The following LRRC4C variants were observed in gnomAD, a reference collection of about 807,000 sequenced individuals.
LRRC4C encodes leucine rich repeat containing 4C, also known as leucine-rich repeat-containing protein 4C.
A neutral mutation model predicts 33.6 loss-of-function variants in LRRC4C; 5 were observed. The observed-to-expected ratio is 0.15, with a 90% CI of 0.08 to 0.31. The LOEUF is 0.31. Among genes scored for constraint, LRRC4C ranks in the 10% least tolerant of loss-of-function variants. The pLI is 1.00. For synonymous variants in LRRC4C, 329 were observed against 302.0 expected (o/e 1.09, Z -0.93); for missense variants, 560 against 796.7 (o/e 0.70, Z 3.58).
chr11:40,479,414 G>A (rs1412927507), intron 3 of LRRC4C, among the ~76,000 whole-genome samples: 1 of 152,160 alleles, frequency 6.6e-6, no homozygotes, highest in East Asian at 1.9e-4. Context: ...TTATGTTACA[G>A]AGAGGAGAAG....
chr11:40,848,056 T>C (rs1438200720), intron 2 of LRRC4C, among the ~76,000 whole-genome samples: 2 of 140,142 alleles, frequency 1.4e-5, no homozygotes, highest in Admixed American at 1.5e-4. Context: ...TTCTTCGTTA[T>C]TATTCTGGCT....
chr11:40,934,905 T>C, intron 1 of LRRC4C, among the ~76,000 whole-genome samples: 1 of 152,160 alleles, frequency 6.6e-6, no homozygotes, highest in East Asian at 1.9e-4. Flanking sequence ...ACCAATTTTC[T>C]CTTCCTGCTA....
chr11:40,942,181 G>C (rs561044429), intron 1 of LRRC4C, among the ~76,000 whole-genome samples: 3 of 152,262 alleles, frequency 2.0e-5, no homozygotes, highest in African/African-American at 7.2e-5. Flanking sequence ...TTGCACATTA[G>C]AGGAGTCCTA....
At chr11:40,164,560 T>C (rs1859428169) in intron 5 of LRRC4C, among the ~76,000 whole-genome samples, 1 of 152,096 alleles carries the variant, frequency 6.6e-6, no homozygotes. Context: ...TGCAGCAACA[T>C]AAATGGAACT....
intron 4 of LRRC4C, among the ~76,000 whole-genome samples, chr11:40,296,723 A>G (rs966868869): frequency 2.6e-5 from 4 of 151,970 alleles, no homozygotes; most frequent in East Asian, 1.9e-4. Flanking sequence ...ATTGTTGCTG[A>G]AAAAAAACAT....
chr11:40,459,450 T>G (rs1032336268), intron 3 of LRRC4C, among the ~76,000 whole-genome samples: 3 of 152,156 alleles, frequency 2.0e-5, no homozygotes, highest in African/African-American at 7.2e-5. Context: ...AAGGAAGCAT[T>G]ATAACTTATT....
intron 1 of LRRC4C, among the ~76,000 whole-genome samples, chr11:41,362,831 A>C (rs1314691795): frequency 6.6e-6 from 1 of 151,866 alleles, no homozygotes; most frequent in African/African-American, 2.4e-5. Flanking sequence ...TCATCTTCAC[A>C]GCCAGCAGTA....
chr11:41,442,156 A>G (rs1955640604), intron 1 of LRRC4C, among the ~76,000 whole-genome samples: 1 of 152,106 alleles, frequency 6.6e-6, no homozygotes, highest in African/African-American at 2.4e-5. Flanking sequence ...TTACCTTTAT[A>G]AATAATTTTA....
At chr11:40,295,358 C>T (rs953567663) in intron 4 of LRRC4C, among the ~76,000 whole-genome samples, 1 of 152,048 alleles carries the variant, frequency 6.6e-6, no homozygotes, top group Non-Finnish European at 1.5e-5. Flanking sequence ...ATAAATGTTC[C>T]TCTGTTTTGT....
At chr11:40,790,472 A>G (rs1039057179) in intron 2 of LRRC4C, among the ~76,000 whole-genome samples, 1 of 152,212 alleles carries the variant, frequency 6.6e-6, no homozygotes, top group African/African-American at 2.4e-5. Flanking sequence ...ACTTAACTAA[A>G]GAGCTAATTT....
chr11:40,504,003 C>T (rs74365024), intron 3 of LRRC4C, among the ~76,000 whole-genome samples: 14,305 of 152,068 alleles, frequency 0.094, 809 homozygotes, highest in Middle Eastern at 0.15. Flanking sequence ...TGTACAGCCC[C>T]CCAGTAACCC....
At chr11:40,777,924 G>A (rs1012236951) in intron 2 of LRRC4C, among the ~76,000 whole-genome samples, 4 of 151,960 alleles carry the variant, frequency 2.6e-5, no homozygotes, top group East Asian at 3.9e-4. Context: ...TCCTGATCTC[G>A]TGATCCACCC....
At chr11:41,181,567 A>G (rs1239154308) in intron 1 of LRRC4C, among the ~76,000 whole-genome samples, 5 of 152,196 alleles carry the variant, frequency 3.3e-5, no homozygotes, top group African/African-American at 1.2e-4. Flanking sequence ...AAAGAGAGAC[A>G]TCTACCTTAA....
At chr11:41,134,927 G>A (rs1215880828) in intron 1 of LRRC4C, among the ~76,000 whole-genome samples, 4 of 152,098 alleles carry the variant, frequency 2.6e-5, no homozygotes, top group Admixed American at 6.6e-5. Context: ...CAAGCCATTT[G>A]TTTTAGTAAT....
intron 1 of LRRC4C, among the ~76,000 whole-genome samples, chr11:41,218,986 T>C (rs1448934166): frequency 6.6e-6 from 1 of 151,948 alleles, no homozygotes; most frequent in African/African-American, 2.4e-5. Flanking sequence ...TTAGCCAGGA[T>C]GGTCTCAATC....
At chr11:40,482,230 A>T (rs74719078) in intron 3 of LRRC4C, among the ~76,000 whole-genome samples, 3,970 of 152,262 alleles carry the variant, frequency 0.026, 176 homozygotes, top group African/African-American at 0.09. Context: ...CAGGTGAAAA[A>T]AACAAACTTG....
chr11:41,439,021 C>T (rs1196775262), intron 1 of LRRC4C, among the ~76,000 whole-genome samples: 2 of 151,974 alleles, frequency 1.3e-5, no homozygotes, highest in Non-Finnish European at 2.9e-5. Context: ...GTACATTGTA[C>T]CCAACAGATA....
chr11:41,098,873 A>G (rs1940981230), intron 1 of LRRC4C, among the ~76,000 whole-genome samples: 1 of 152,098 alleles, frequency 6.6e-6, no homozygotes, highest in Non-Finnish European at 1.5e-5. Flanking sequence ...GATACCAAAA[A>G]TTCAAAAGAT....
At chr11:40,271,433 T>G (rs571370475) in intron 4 of LRRC4C, among the ~76,000 whole-genome samples, 1 of 152,300 alleles carries the variant, frequency 6.6e-6, no homozygotes, top group Non-Finnish European at 1.5e-5. Flanking sequence ...CCCTTCTAAC[T>G]TACTACCTTT....
Sources: gnomAD v4.1 joint callset for allele counts (sites outside exome capture counted in the v4.1 genomes callset) on GRCh38, gnomAD v4.1.1 for gene constraint, MANE v1.5 for transcripts, NCBI Gene and HGNC (gene_info 2026-07-23, HGNC 2026-07-21) for gene names.